ADAMTS19: variants seen among roughly 807,000 people sequenced by gnomAD.
The protein encoded by ADAMTS19 is ADAM metallopeptidase with thrombospondin type 1 motif 19, also known as A disintegrin and metalloproteinase with thrombospondin motifs 19.
Under a neutral mutation model 153.3 loss-of-function variants are expected in ADAMTS19, and 93 were observed. The observed-to-expected ratio is 0.61, with a 90% CI of 0.51 to 0.72. The LOEUF is 0.72. Ranked by LOEUF, ADAMTS19 falls within the 30% of genes least tolerant of loss-of-function variation. The pLI, the probability that ADAMTS19 is intolerant of heterozygous loss-of-function variation, is 0.00. For missense variants in ADAMTS19, 1,482 were observed against 1,552.1 expected (o/e 0.95, Z 0.76); for synonymous variants, 600 against 556.6 (o/e 1.08, Z -1.10).
intron 16 of ADAMTS19, among the ~76,000 whole-genome samples, chr5:129,668,571 C>T (rs1445565153): frequency 6.6e-6 from 1 of 152,074 alleles, no homozygotes; most frequent in Non-Finnish European, 1.5e-5. Flanking sequence ...GGGCAGCGCT[C>T]TTATGACCTA....
At chr5:129,560,131 G>A (rs1008870286) in intron 7 of ADAMTS19, among the ~76,000 whole-genome samples, 1 of 152,056 alleles carries the variant, frequency 6.6e-6, no homozygotes, top group Non-Finnish European at 1.5e-5. Flanking sequence ...TGGTATTTTT[G>A]TTTTTTCAGC....
At chr5:129,606,340 T>C (rs4836468) in intron 8 of ADAMTS19, among the ~76,000 whole-genome samples, 88,560 of 152,100 alleles carry the variant, frequency 0.58, 27,236 homozygotes, top group Non-Finnish European at 0.69. Context: ...CCATTATTGC[T>C]ACAAGGCCTT....
At chr5:129,540,255 C>G (rs778190357) in intron 6 of ADAMTS19, among the ~76,000 whole-genome samples, 12 of 151,978 alleles carry the variant, frequency 7.9e-5, no homozygotes, top group Non-Finnish European at 1.6e-4. Flanking sequence ...TTTGGTCTCA[C>G]ATAAAATGCA....
At chr5:129,568,629 G>C (rs751923167) in intron 7 of ADAMTS19, among the ~76,000 whole-genome samples, 1 of 151,982 alleles carries the variant, frequency 6.6e-6, no homozygotes, top group African/African-American at 2.4e-5. Flanking sequence ...AGACCAGCCT[G>C]GGTAACATAA....
At chr5:129,468,856 A>G (rs928960634) in intron 2 of ADAMTS19, among the ~76,000 whole-genome samples, 3 of 151,814 alleles carry the variant, frequency 2.0e-5, no homozygotes, top group Non-Finnish European at 4.4e-5. Flanking sequence ...GGCTCACTGC[A>G]ACCTCCGTCT....
intron 21 of ADAMTS19, among the ~76,000 whole-genome samples, chr5:129,715,485 C>T (rs2127189224): frequency 6.6e-6 from 1 of 152,258 alleles, no homozygotes; most frequent in East Asian, 1.9e-4. Flanking sequence ...GTCACATACA[C>T]AGTAACTATG....
At chr5:129,526,246 T>C in intron 3 of ADAMTS19, 38 bp from the exon 4 acceptor site, 1 of 1,507,774 alleles carries the variant, frequency 6.6e-7, no homozygotes, top group Non-Finnish European at 8.9e-7. Flanking sequence ...ACTTTGCCAA[T>C]ATGAAGGTGC....
chr5:129,503,256 A>C (rs1751160501), intron 2 of ADAMTS19, among the ~76,000 whole-genome samples: 1 of 152,112 alleles, frequency 6.6e-6, no homozygotes, highest in Admixed American at 6.6e-5. Flanking sequence ...GGAAACATTG[A>C]AAGGATCATC....
intron 8 of ADAMTS19, among the ~76,000 whole-genome samples, chr5:129,604,591 C>G (rs1750805039): frequency 6.6e-6 from 1 of 152,072 alleles, no homozygotes; most frequent in Admixed American, 6.6e-5. Flanking sequence ...AGAAAACCTG[C>G]TTGGTAGATA....
intron 2 of ADAMTS19, among the ~76,000 whole-genome samples, chr5:129,498,193 A>G (rs553208895): frequency 1.2e-4 from 18 of 152,152 alleles, no homozygotes; most frequent in Middle Eastern, 3.4e-3. Flanking sequence ...ACCATTATTT[A>G]TTGCTTTAAT....
chr5:129,628,266 A>G (rs780780518), intron 10 of ADAMTS19, among the ~76,000 whole-genome samples: 1 of 152,042 alleles, frequency 6.6e-6, no homozygotes, highest in Non-Finnish European at 1.5e-5. Context: ...ACTCATGAAC[A>G]CAAAGAAGGG....
intron 8 of ADAMTS19, among the ~76,000 whole-genome samples, chr5:129,617,650 A>G (rs1384565483): frequency 6.6e-6 from 1 of 152,060 alleles, no homozygotes; most frequent in Non-Finnish European, 1.5e-5. Flanking sequence ...GCCAGAATCC[A>G]TGGCAGAGAG....
At chr5:129,606,723 A>T (rs1750913167) in intron 8 of ADAMTS19, among the ~76,000 whole-genome samples, 1 of 152,174 alleles carries the variant, frequency 6.6e-6, no homozygotes, top group African/African-American at 2.4e-5. Flanking sequence ...TCTCTATTTT[A>T]TGAATGCAAA....
At chr5:129,652,242 A>T (rs1753348493) in intron 13 of ADAMTS19, among the ~76,000 whole-genome samples, 1 of 152,264 alleles carries the variant, frequency 6.6e-6, no homozygotes, top group Admixed American at 6.5e-5. Context: ...AATATACAAC[A>T]GTCACTAGCC....
chr5:129,617,141 C>G (rs1751568132), intron 8 of ADAMTS19, among the ~76,000 whole-genome samples: 1 of 152,024 alleles, frequency 6.6e-6, no homozygotes, highest in Non-Finnish European at 1.5e-5. Context: ...TTATTTCAAA[C>G]CTGTAGAGTC....
intron 8 of ADAMTS19, 109 bp downstream of exon 8, chr5:129,596,773 GAAA>G: frequency 1.3e-6 from 1 of 774,870 alleles, no homozygotes; most frequent in South Asian, 2.0e-5. Context: ...TCAAGTTTTT[GAAA>G]AACTAGGGAG....
chr5:129,471,362 T>C (rs377272692), intron 2 of ADAMTS19, among the ~76,000 whole-genome samples: 21 of 148,442 alleles, frequency 1.4e-4, no homozygotes, highest in African/African-American at 5.0e-4. Context: ...TGAGACCCTG[T>C]CTCAAAAGAA....
chr5:129,479,688 A>G (rs1436731147), intron 2 of ADAMTS19, among the ~76,000 whole-genome samples: 1 of 152,186 alleles, frequency 6.6e-6, no homozygotes, highest in African/African-American at 2.4e-5. Flanking sequence ...AAATTTTATA[A>G]GCACATTTAC....
intron 7 of ADAMTS19, among the ~76,000 whole-genome samples, chr5:129,578,456 A>C (rs1037524818): frequency 1.3e-5 from 2 of 151,384 alleles, no homozygotes; most frequent in African/African-American, 4.8e-5. Flanking sequence ...ACACATATAC[A>C]CACATATATA....
Sources: allele counts gnomAD v4.1 joint callset (sites outside exome capture counted in the v4.1 genomes callset), GRCh38; gene constraint gnomAD v4.1.1; transcripts MANE v1.5; gene names NCBI Gene and HGNC (gene_info 2026-07-23, HGNC 2026-07-21).